Variants in MBD5 observed in about 807,000 individuals in gnomAD.
MBD5 encodes the protein methyl-CpG-binding domain protein 5.
MBD5 carries 13 observed loss-of-function variants against 117.3 expected under a neutral mutation model. That is an observed-to-expected ratio of 0.11 (90% CI 0.07 to 0.18). The LOEUF is 0.18. Ranked by LOEUF, MBD5 falls within the 10% of genes least tolerant of loss-of-function variation. MBD5 has a pLI of 1.00. For synonymous variants in MBD5, 727 were observed against 766.4 expected, an observed-to-expected ratio of 0.95 and a Z score of 0.85; for missense variants, 1,879 against 2,093.8, an observed-to-expected ratio of 0.90 and a Z score of 2.00.
At chr2:148,078,649 T>C (rs1461708680) in intron 1 of MBD5, among the ~76,000 whole-genome samples, 1 of 152,224 alleles carries the variant, frequency 6.6e-6, no homozygotes, top group Admixed American at 6.5e-5. Context: ...GACTGCTCTT[T>C]CTACAGTAGC....
intron 1 of MBD5, among the ~76,000 whole-genome samples, chr2:148,048,920 T>G (rs887782019): frequency 2.6e-5 from 4 of 152,146 alleles, no homozygotes; most frequent in African/African-American, 9.7e-5. Context: ...AATAGTCTAG[T>G]CCACTCTTCT....
intron 12 of MBD5, among the ~76,000 whole-genome samples, chr2:148,507,675 G>A (rs897265460): frequency 6.6e-6 from 1 of 151,820 alleles, no homozygotes; most frequent in African/African-American, 2.4e-5. Context: ...CAGGAGAATG[G>A]CGTGAACCCG....
chr2:148,229,815 G>T (rs139642761), intron 2 of MBD5, among the ~76,000 whole-genome samples: 48 of 152,266 alleles, frequency 3.2e-4, no homozygotes, highest in South Asian at 6.2e-4. Flanking sequence ...GGATTACCAG[G>T]CATTGACTCT....
At chr2:148,090,339 A>T (rs1228089952) in intron 1 of MBD5, among the ~76,000 whole-genome samples, 1 of 152,142 alleles carries the variant, frequency 6.6e-6, no homozygotes, top group Admixed American at 6.5e-5. Flanking sequence ...AAATCATTCT[A>T]TGAAGCCAGT....
rs1699133294 is a variant in MBD5, at chr2:148,201,274, C to T, written c.-831+22481C>T. Reference sequence around the variant, plus strand: ...TTCCAAGCACTGGCACAAGAGTGGGCTCCACATGGGGCTTGTTCCTGGACC... The same window carrying T: ...TTCCAAGCACTGGCACAAGAGTGGGTTCCACATGGGGCTTGTTCCTGGACC... On this transcript the variant is annotated intron_variant, in intron 2 of 13. Transcript: ENST00000642680. Among the ~76,000 whole-genome samples, 4 of 152,198 alleles carry T rather than the reference C, an allele frequency of 2.6e-5. 1 individual carries two copies. In the South Asian group the frequency reaches 8.3e-4, roughly 32 times the overall value.
chr2:148,497,868 C>T (rs2105193067), intron 11 of MBD5, among the ~76,000 whole-genome samples: 1 of 152,116 alleles, frequency 6.6e-6, no homozygotes, highest in East Asian at 1.9e-4. Flanking sequence ...CCACCAGTGG[C>T]CCTTTGACTG....
At chr2:148,443,579 A>G (rs188100069) in intron 4 of MBD5, among the ~76,000 whole-genome samples, 1 of 151,558 alleles carries the variant, frequency 6.6e-6, no homozygotes, top group East Asian at 1.9e-4. Context: ...AGATCCTATC[A>G]TTTGCAACAG....
At chr2:148,058,527 A>G (rs1694937969) in intron 1 of MBD5, among the ~76,000 whole-genome samples, 2 of 151,890 alleles carry the variant, frequency 1.3e-5, no homozygotes, top group Middle Eastern at 3.4e-3. Flanking sequence ...ATTTATTTGC[A>G]TTGCAAATGC....
At chr2:148,211,453 T>A (rs1273887904) in intron 2 of MBD5, among the ~76,000 whole-genome samples, 1 of 152,206 alleles carries the variant, frequency 6.6e-6, no homozygotes, top group African/African-American at 2.4e-5. Flanking sequence ...TTTCAGCGTT[T>A]GATTGAAATT....
chr2:148,450,636 G>A (rs191959637), intron 4 of MBD5, among the ~76,000 whole-genome samples: 4 of 152,246 alleles, frequency 2.6e-5, no homozygotes, highest in East Asian at 1.9e-4. Context: ...AAACAAGAGC[G>A]AAAGTTATAA....
intron 1 of MBD5, among the ~76,000 whole-genome samples, chr2:148,033,246 C>G (rs1694091149): frequency 6.6e-6 from 1 of 151,998 alleles, no homozygotes; most frequent in Non-Finnish European, 1.5e-5. Context: ...GCAGAGCTAC[C>G]AAATGTCAGC....
At chr2:148,383,592 C>T (rs1704231172) in intron 4 of MBD5, among the ~76,000 whole-genome samples, 1 of 152,116 alleles carries the variant, frequency 6.6e-6, no homozygotes, top group South Asian at 2.1e-4. Flanking sequence ...GGGAATCCTC[C>T]CTAACTCATT....
At chr2:148,226,422 T>C (rs1699822676) in intron 2 of MBD5, among the ~76,000 whole-genome samples, 1 of 152,160 alleles carries the variant, frequency 6.6e-6, no homozygotes, top group Non-Finnish European at 1.5e-5. Flanking sequence ...TTCATCCATG[T>C]CCCTACAAAG....
chr2:148,247,919 A>G (rs1700375463), intron 3 of MBD5, among the ~76,000 whole-genome samples: 2 of 152,184 alleles, frequency 1.3e-5, no homozygotes, highest in Non-Finnish European at 2.9e-5. Context: ...ACTAAAAACA[A>G]TGTGAAATAT....
rs776045026 is a variant in MBD5, at chr2:148,236,193, G to C, written c.-680+2798G>C. 3.9e-5 allele frequency among the ~76,000 whole-genome samples: 6 copies of C among 152,058 alleles called. No homozygotes were observed. In the East Asian group the frequency reaches 1.2e-3, roughly 29 times the overall value. ...GGCTGAAGATTGGGATGGCTGTGGC[G>C]ATATATTGAAATAAGACAGCAAGGA... On this transcript the variant is annotated intron_variant, in intron 3 of 13. Coordinates refer to ENST00000642680, the MANE Select transcript of MBD5 (RefSeq NM_001378120.1).
chr2:148,310,958 G>C (rs1277286881), intron 3 of MBD5, among the ~76,000 whole-genome samples: 3 of 152,186 alleles, frequency 2.0e-5, no homozygotes, highest in Non-Finnish European at 4.4e-5. Flanking sequence ...GTGTGGTTTT[G>C]AGTGAGTTTC....
chr2:148,427,919 C>T (rs1010148230), intron 4 of MBD5, among the ~76,000 whole-genome samples: 1 of 151,986 alleles, frequency 6.6e-6, no homozygotes, highest in Non-Finnish European at 1.5e-5. Flanking sequence ...GAAGCATTCC[C>T]TTTGAAAACC....
chr2:148,261,210 A>G (rs1005267997), intron 3 of MBD5, among the ~76,000 whole-genome samples: 6 of 152,206 alleles, frequency 3.9e-5, no homozygotes. Flanking sequence ...CAACTGCATT[A>G]GCCTCTAACA....
chr2:148,075,128 C>T (rs928716370), intron 1 of MBD5, among the ~76,000 whole-genome samples: 1 of 152,122 alleles, frequency 6.6e-6, no homozygotes, highest in Admixed American at 6.5e-5. Flanking sequence ...AGGGAAGAAG[C>T]AGCCCAGAAT....
Sources: gnomAD v4.1 joint callset for allele counts (sites outside exome capture counted in the v4.1 genomes callset) on GRCh38, gnomAD v4.1.1 for gene constraint, MANE v1.5 for transcripts, NCBI Gene and HGNC (gene_info 2026-07-23, HGNC 2026-07-21) for gene names.